Variants in AP2B1 observed in about 807,000 individuals in gnomAD.
The protein encoded by AP2B1 is adaptor related protein complex 2 subunit beta 1, also known as AP-2 complex subunit beta.
In AP2B1, 23 loss-of-function variants were observed where a neutral mutation model predicts 102.0. The ratio of observed to expected loss-of-function variants is 0.23; its 90% CI spans 0.16 to 0.32. The LOEUF (loss-of-function observed/expected upper bound fraction) is 0.32. Ranked by LOEUF, AP2B1 falls within the 10% of genes least tolerant of loss-of-function variation. The pLI, the probability that AP2B1 is intolerant of heterozygous loss-of-function variation, is 1.00. For synonymous variants in AP2B1, 381 were observed against 421.2 expected (o/e 0.90, Z 1.17); for missense variants, 541 against 1,157.4 (o/e 0.47, Z 7.73).
intron 18 of AP2B1, among the ~76,000 whole-genome samples, chr17:35,696,182 A>T (rs1404288670): frequency 1.3e-5 from 2 of 151,988 alleles, no homozygotes; most frequent in African/African-American, 4.8e-5. Context: ...CTTATCTTAG[A>T]ATAGGGTATG....
chr17:35,683,642 C>T (rs2075871175), intron 18 of AP2B1, among the ~76,000 whole-genome samples: 2 of 152,166 alleles, frequency 1.3e-5, no homozygotes, highest in African/African-American at 4.8e-5. Context: ...TTTCACCTAC[C>T]TCGAAGTTTC....
At chr17:35,705,339 A>G (rs997240837) in intron 18 of AP2B1, among the ~76,000 whole-genome samples, 10 of 152,222 alleles carry the variant, frequency 6.6e-5, no homozygotes, top group African/African-American at 2.4e-4. Flanking sequence ...CAGTAGCAAA[A>G]GGAATCATTA....
chr17:35,642,271 C>G (rs960953232), intron 12 of AP2B1, among the ~76,000 whole-genome samples: 5 of 150,056 alleles, frequency 3.3e-5, no homozygotes, highest in African/African-American at 1.2e-4. Flanking sequence ...CTGATAGTAC[C>G]TGCTTCACTG....
chr17:35,678,319 T>A, intron 17 of AP2B1, among the ~76,000 whole-genome samples: 1 of 152,214 alleles, frequency 6.6e-6, no homozygotes, highest in Non-Finnish European at 1.5e-5. Flanking sequence ...CATAAATAAA[T>A]CATGTCATTT....
intron 18 of AP2B1, among the ~76,000 whole-genome samples, chr17:35,693,216 T>C (rs2076075352): frequency 6.6e-6 from 1 of 152,152 alleles, no homozygotes; most frequent in African/African-American, 2.4e-5. Context: ...ATGAGGTTTT[T>C]TCACCATGTT....
At chr17:35,636,572 C>A (rs1598124837) in intron 10 of AP2B1, 116 bp downstream of exon 10, 1 of 676,668 alleles carries the variant, frequency 1.5e-6, no homozygotes. Context: ...TAATAGGATA[C>A]TTTATCAAAA....
At chr17:35,632,124 TTTTA>T (rs2074479821) in intron 9 of AP2B1, among the ~76,000 whole-genome samples, 1 of 151,612 alleles carries the variant, frequency 6.6e-6, no homozygotes, top group Non-Finnish European at 1.5e-5. Context: ...AATGATTTTG[TTTTA>T]TTTGTTTTTT....
chr17:35,658,154 C>T (rs965259452), intron 14 of AP2B1, among the ~76,000 whole-genome samples: 4 of 152,084 alleles, frequency 2.6e-5, no homozygotes, highest in South Asian at 2.1e-4. Flanking sequence ...TTGACCTGAA[C>T]GGCATTAAAG....
chr17:35,635,135 T>C (rs2074570092), intron 9 of AP2B1, among the ~76,000 whole-genome samples: 1 of 152,152 alleles, frequency 6.6e-6, no homozygotes, highest in South Asian at 2.1e-4. Context: ...CACTGCAACC[T>C]GTGTGTCTCC....
intron 3 of AP2B1, among the ~76,000 whole-genome samples, chr17:35,601,938 C>T (rs1024567926): frequency 3.9e-5 from 6 of 152,068 alleles, no homozygotes; most frequent in Admixed American, 2.6e-4. Flanking sequence ...CCACCACGCC[C>T]GGCTAATTTT....
At chr17:35,612,374 G>A (rs1271281159) in intron 5 of AP2B1, among the ~76,000 whole-genome samples, 1 of 152,104 alleles carries the variant, frequency 6.6e-6, no homozygotes, top group African/African-American at 2.4e-5. Context: ...ATCATTTTTT[G>A]AGCTCTTCAT....
chr17:35,614,309 C>T lies in AP2B1; in HGVS notation c.525+5922C>T, dbSNP rs140338291. 5.9e-5 allele frequency among the ~76,000 whole-genome samples: 9 copies of T among 152,228 alleles called. No individual in the cohort carries two copies. The East Asian group carries it at 1.4e-3, about 23-fold the overall frequency. On this transcript the variant is annotated intron_variant, in intron 5 of 21. Transcript: ENST00000610402. ...AACTCCTGGGCTCAAACAGTCTTCC[C>T]GAGCAACTGGAACTACAGGCATATG...
intron 18 of AP2B1, among the ~76,000 whole-genome samples, chr17:35,687,350 G>C (rs988656600): frequency 6.6e-6 from 1 of 151,816 alleles, no homozygotes; most frequent in Admixed American, 6.6e-5. Flanking sequence ...AAATTCCTGC[G>C]GTCAAGCAAT....
intron 18 of AP2B1, among the ~76,000 whole-genome samples, 182 bp downstream of exon 18, chr17:35,683,006 T>C (rs2075856734): frequency 1.3e-5 from 2 of 151,946 alleles, no homozygotes; most frequent in Non-Finnish European, 2.9e-5. Context: ...GCCTCCCAAG[T>C]AGCTGGGATT....
rs781118625 is a variant in AP2B1 at position 35,608,294 on chromosome 17, C to T, written c.432C>T (p.Cys144=). 17 of 1,613,988 alleles carry T rather than the reference C, an allele frequency of 1.1e-5. No homozygotes were observed. The highest frequency in any genetic ancestry group is 2.7e-5 in the African/African-American group (2 of 74,896). The change falls in exon 5 of 22, where the codon TGC becomes TGT. Residue 144 remains cysteine, a synonymous_variant. Transcript: ENST00000610402. ...ATGTTCGGAAAACAGCAGCAGTCTG[C>T]GTGGCAAAACTCCATGATATCAATG... ...DPYVRKTAAV[C]VAKLHDINAQ... is the part of the protein sequence containing the mutation.
intron 18 of AP2B1, among the ~76,000 whole-genome samples, chr17:35,692,996 G>T (rs1168761983): frequency 1.4e-5 from 2 of 143,322 alleles, no homozygotes; most frequent in Admixed American, 7.3e-5. Context: ...TTTTATGTTT[G>T]TTTTCTTTGG....
At chr17:35,662,430 A>G (rs1302076816) in intron 14 of AP2B1, among the ~76,000 whole-genome samples, 5 of 151,832 alleles carry the variant, frequency 3.3e-5, no homozygotes, top group African/African-American at 1.2e-4. Context: ...GTAGAGCATG[A>G]CAGTTTACTA....
At chr17:35,657,902 T>C (rs764966510) in intron 14 of AP2B1, 111 bp downstream of exon 14, 1 of 911,812 alleles carries the variant, frequency 1.1e-6, no homozygotes, top group South Asian at 1.9e-5. Context: ...TGAGCAGTAG[T>C]GTCCTTTGAT....
chr17:35,607,138 C>G (rs1036938031), intron 4 of AP2B1, among the ~76,000 whole-genome samples: 7 of 152,140 alleles, frequency 4.6e-5, no homozygotes, highest in Non-Finnish European at 1.0e-4. Flanking sequence ...CTCCTGACCT[C>G]AGGTGATCCG....
Sources: allele counts gnomAD v4.1 joint callset (sites outside exome capture counted in the v4.1 genomes callset), GRCh38; gene constraint gnomAD v4.1.1; transcripts MANE v1.5; gene names NCBI Gene and HGNC (gene_info 2026-07-23, HGNC 2026-07-21).